SPATA21: variants seen among roughly 807,000 people sequenced by gnomAD.
SPATA21 encodes the protein spermatogenesis-associated protein 21.
A neutral mutation model predicts 54.8 loss-of-function variants in SPATA21; 47 were observed. That is an observed-to-expected ratio of 0.86 (90% CI 0.68 to 1.09). The LOEUF (loss-of-function observed/expected upper bound fraction) is 1.09, where lower values mean the gene tolerates loss of function less well. SPATA21 is among the 50% of genes least tolerant of loss of function. The probability of loss-of-function intolerance (pLI) is 0.00; values close to 1 mark genes in which losing one functional copy is unlikely to be tolerated. For synonymous variants in SPATA21, 245 were observed against 235.3 expected, an observed-to-expected ratio of 1.04 and a Z score of -0.38; for missense variants, 599 against 596.4, an observed-to-expected ratio of 1.00 and a Z score of -0.05.
rs141121121 is a variant in SPATA21, at chr1:16,408,869, CA to C, written c.673+248del. Among the ~76,000 whole-genome samples, 544 of 118,112 alleles carry C rather than the reference CA, an allele frequency of 4.6e-3. 2 individuals carry two copies. The highest frequency in any genetic ancestry group is 0.013 in the South Asian group (47 of 3,574). 77.5% of individuals were successfully genotyped at this position (118,112 alleles called of 152,430 possible). On this transcript the variant is annotated intron_variant, in intron 7 of 12. Coordinates refer to ENST00000335496, the MANE Select transcript of SPATA21 (RefSeq NM_198546.1). ...TGGGTGACAGAGCGAGACTCTGTCT[CA>C]AAAAAAAAAAAAAAAAAAAGACCCA...
chr1:16,423,135 C>T (rs138167793), intron 3 of SPATA21, among the ~76,000 whole-genome samples: 2,993 of 150,698 alleles, frequency 0.02, 97 homozygotes, highest in African/African-American at 0.068. Flanking sequence ...CCAGCCTGGG[C>T]GACAGAGTGA....
At chr1:16,417,438 CTTT>C (rs550527293) in intron 5 of SPATA21, among the ~76,000 whole-genome samples, 5 of 124,772 alleles carry the variant, frequency 4.0e-5, no homozygotes, top group Non-Finnish European at 5.1e-5. Flanking sequence ...TTTTTGTGGG[CTTT>C]TTTTTTTTTT....
chr1:16,411,586 C>T (rs1038714971), intron 5 of SPATA21, among the ~76,000 whole-genome samples: 8 of 151,968 alleles, frequency 5.3e-5, no homozygotes, highest in Admixed American at 2.0e-4. Context: ...GTCAGGAGAT[C>T]GAGACCATCT....
At chr1:16,407,751 C>T (rs943859266) in intron 7 of SPATA21, among the ~76,000 whole-genome samples, 3 of 151,114 alleles carry the variant, frequency 2.0e-5, no homozygotes, top group Non-Finnish European at 4.4e-5. Context: ...AACCACTGCT[C>T]CCGGTTGGAG....
In SPATA21 at chr1:16,409,559, G is replaced by C. The variant is rs764062246; in HGVS notation, c.587+42C>G. The C allele has an allele frequency of 6.3e-7, 1 of 1,576,842 alleles. No individual in the cohort carries two copies. ...CATCCGGGACAAGGCTCTGATCTTG[G>C]GGCCTTTCAGGAGCGGGCGGGTGAG... On this transcript the variant is annotated intron_variant, in intron 6 of 12. Transcript: ENST00000335496. This position sits in a 1 kb window ranked among gnomAD's most constrained non-coding sequence, Gnocchi z 4.1.
chr1:16,427,738 G>A (rs900126454), intron 3 of SPATA21: 8 of 1,024,330 alleles, frequency 7.8e-6, no homozygotes, highest in African/African-American at 3.2e-5. Flanking sequence ...TGAAAGAGAA[G>A]GACAAGGTGC....
intron 3 of SPATA21, among the ~76,000 whole-genome samples, chr1:16,422,420 A>G (rs1240520537): frequency 6.6e-6 from 1 of 152,210 alleles, no homozygotes; most frequent in Non-Finnish European, 1.5e-5. Context: ...GCCTACCCAA[A>G]GAACCACACT....
intron 11 of SPATA21, chr1:16,400,462 T>A: frequency 8.1e-7 from 1 of 1,227,070 alleles, no homozygotes; most frequent in Non-Finnish European, 1.0e-6. Context: ...TCTTTCTCAG[T>A]CCTGGCTCAT....
intron 7 of SPATA21, among the ~76,000 whole-genome samples, chr1:16,408,888 A>G (rs2085734138): frequency 7.9e-6 from 1 of 127,002 alleles, no homozygotes; most frequent in Non-Finnish European, 1.7e-5. Context: ...AAAAAAAAAA[A>G]AGACCCAGCA....
chr1:16,413,081 C>T (rs2085899927), intron 5 of SPATA21, among the ~76,000 whole-genome samples: 1 of 152,168 alleles, frequency 6.6e-6, no homozygotes, highest in Admixed American at 6.5e-5. Flanking sequence ...CACGCCCGGC[C>T]AACGATTTTT....
chr1:16,408,914 C>A (rs372661903), intron 7 of SPATA21, among the ~76,000 whole-genome samples: 5 of 151,106 alleles, frequency 3.3e-5, no homozygotes, highest in Non-Finnish European at 7.4e-5. Context: ...TCTGGCCCCC[C>A]CAACCCAGCA....
At chr1:16,400,955 G>T (rs1471771714) in intron 10 of SPATA21, 63 bp from the exon 11 acceptor site, 3 of 1,550,254 alleles carry the variant, frequency 1.9e-6, no homozygotes, top group Non-Finnish European at 2.6e-6. Context: ...CTCCTCCTCA[G>T]CCCCTATCTC....
chr1:16,427,824 T>A lies in SPATA21; in HGVS notation c.34+3514A>T, dbSNP rs1315367223. ...CCCCCGCGGGTGGGCTACAGGGGGTTCTCTCTTGGACCTGTTCTCTCGAGA... is the reference window on the plus strand; with the variant it reads ...CCCCCGCGGGTGGGCTACAGGGGGTACTCTCTTGGACCTGTTCTCTCGAGA... On this transcript the variant is annotated intron_variant, in intron 3 of 12. Transcript: ENST00000335496. 3 of 1,515,296 alleles carry A rather than the reference T, an allele frequency of 2.0e-6. No individual in the cohort carries two copies. In the Admixed American group the frequency reaches 6.0e-5, roughly 30 times the overall value. 93.9% of individuals were successfully genotyped at this position (1,515,296 alleles called of 1,614,324 possible).
At chr1:16,398,547 C>T (rs953262603), downstream of SPATA21, 1 of 571,738 alleles carries the variant, frequency 1.7e-6, no homozygotes, top group African/African-American at 1.9e-5. Context: ...AAATCCCAAC[C>T]CCGCGCAGGG....
At chr1:16,403,684 CTG>C (rs747971985) in intron 10 of SPATA21, 41 bp downstream of exon 10, 11 of 1,548,496 alleles carry the variant, frequency 7.1e-6, no homozygotes, top group Non-Finnish European at 9.8e-6. Flanking sequence ...GATGCCACCT[CTG>C]TGTCCACAAC....
chr1:16,405,493 GAAAAAAAA>G (rs538611012), intron 7 of SPATA21, among the ~76,000 whole-genome samples: 3 of 81,316 alleles, frequency 3.7e-5, no homozygotes, highest in African/African-American at 1.1e-4. Flanking sequence ...AAATAAAAAT[GAAAAAAAA>G]AAAAAAAAAA....
At chr1:16,402,174 G>A (rs1423619172) in intron 10 of SPATA21, among the ~76,000 whole-genome samples, 1 of 151,312 alleles carries the variant, frequency 6.6e-6, no homozygotes, top group Admixed American at 6.6e-5. Flanking sequence ...CACCTGTGGG[G>A]CACCCTTGCC....
chr1:16,425,485 G>A (rs1428161061), intron 3 of SPATA21: 20 of 1,539,566 alleles, frequency 1.3e-5, no homozygotes, highest in Non-Finnish European at 1.7e-5. Flanking sequence ...CTCTGTGGTA[G>A]GTCATTCCAT....
chr1:16,432,283 G>A (rs568934588), intron 2 of SPATA21, among the ~76,000 whole-genome samples: 7 of 151,684 alleles, frequency 4.6e-5, no homozygotes, highest in East Asian at 1.9e-4. Flanking sequence ...CACCATGCCC[G>A]GCTAATTTTT....
Sources: allele counts gnomAD v4.1 joint callset (sites outside exome capture counted in the v4.1 genomes callset), GRCh38; gene constraint gnomAD v4.1.1; non-coding constraint Gnocchi (gnomAD v3.1); transcripts MANE v1.5; gene names NCBI Gene and HGNC (gene_info 2026-07-23, HGNC 2026-07-21).